The following ALKAL1 variants were observed in gnomAD, a reference collection of about 807,000 sequenced individuals.
ALKAL1 encodes AUG-beta.
A neutral mutation model predicts 13.5 loss-of-function variants in ALKAL1; 23 were observed. The ratio of observed to expected loss-of-function variants is 1.70; its 90% CI spans 1.23 to 2.41. The LOEUF is 2.41. Ranked by LOEUF, ALKAL1 falls within the 30% of genes most tolerant of loss-of-function variation. ALKAL1 has a pLI of 0.00. For synonymous variants in ALKAL1, 85 were observed against 77.7 expected (o/e 1.09, Z -0.49); for missense variants, 181 against 178.4 (o/e 1.01, Z -0.08).
intron 1 of ALKAL1, among the ~76,000 whole-genome samples, chr8:52,544,281 A>C (rs557585673): frequency 7.2e-4 from 109 of 152,226 alleles, no homozygotes; most frequent in Non-Finnish European, 1.4e-3. Flanking sequence ...CAAACATCAC[A>C]TAGGAATACA....
intron 2 of ALKAL1, among the ~76,000 whole-genome samples, chr8:52,540,620 CAGTT>C (rs1450556878): frequency 2.6e-5 from 4 of 152,172 alleles, no homozygotes; most frequent in Admixed American, 6.5e-5. Context: ...AGTCCCACCT[CAGTT>C]ACTCTAGAGC....
chr8:52,538,997 G>T (rs539611205), intron 3 of ALKAL1, among the ~76,000 whole-genome samples: 1 of 152,056 alleles, frequency 6.6e-6, no homozygotes, highest in East Asian at 1.9e-4. Context: ...TCACCATGTT[G>T]CCAAGGCTGG....
intron 1 of ALKAL1, among the ~76,000 whole-genome samples, chr8:52,549,664 G>A (rs1051773203): frequency 3.9e-5 from 6 of 151,910 alleles, no homozygotes; most frequent in Non-Finnish European, 5.9e-5. Context: ...TAAATTGGCC[G>A]GGCACGGTGT....
In ALKAL1 at chr8:52,565,143, C is replaced by G. The variant is rs755850760; in HGVS notation, c.114G>C (p.Thr38=). 2.1e-4 allele frequency: 301 copies of G among 1,404,722 alleles called. No individual in the cohort carries two copies. Among genetic ancestry groups the G allele is most frequent in the South Asian group, 9.2e-4 (60 of 65,026 alleles). 87.0% of individuals were successfully genotyped at this position (1,404,722 alleles called of 1,614,324 possible). ...RPRGRRGARV[T]DKEPKPLLFL... is the part of the protein sequence containing the mutation. ...AAAGCAACGGCTTGGGCTCCTTATC[C>G]GTGACGCGCGCTCCCCTGCGCCCCC... The change falls in exon 1 of 5, where the codon ACG becomes ACC. Residue 38 remains threonine, a synonymous_variant. Transcript: ENST00000358543.
intron 4 of ALKAL1, among the ~76,000 whole-genome samples, chr8:52,535,658 C>A (rs924564993): frequency 8.6e-5 from 13 of 150,524 alleles, no homozygotes; most frequent in African/African-American, 2.7e-4. Flanking sequence ...CTAAAATAAT[C>A]TAGTTTATTT....
At position 52,565,049 on chromosome 8, in the gene ALKAL1, G is replaced by A. The variant is rs1410440133; in HGVS notation, c.190+18C>T. The A allele has an allele frequency of 2.2e-6, 3 of 1,371,488 alleles. No homozygotes were observed. Among genetic ancestry groups the A allele is most frequent in the African/African-American group, 1.5e-5 (1 of 65,476 alleles). The allele number at this position is 1,371,488 out of a possible 1,614,324, so 85.0% of individuals were successfully genotyped here. A position where few individuals can be genotyped will look rare whatever the true frequency, so the allele number is the denominator to read the frequency against. Reference sequence around the variant, plus strand: ...CCAGGCGCAGGGCAAAGGATGGGGCGGGATGGGGACATCGTACCTGCGCTC... The same window carrying A: ...CCAGGCGCAGGGCAAAGGATGGGGCAGGATGGGGACATCGTACCTGCGCTC... On this transcript the variant is annotated intron_variant, in intron 1 of 4. Coordinates refer to ENST00000358543, the MANE Select transcript of ALKAL1 (RefSeq NM_207413.4).
At chr8:52,563,153 C>T (rs1197563863) in intron 1 of ALKAL1, among the ~76,000 whole-genome samples, 1 of 152,228 alleles carries the variant, frequency 6.6e-6, no homozygotes, top group African/African-American at 2.4e-5. Flanking sequence ...CATAGTGGCT[C>T]ATGCCTGTAA....
At chr8:52,536,321 G>A (rs1027332398) in intron 4 of ALKAL1, among the ~76,000 whole-genome samples, 1 of 152,066 alleles carries the variant, frequency 6.6e-6, no homozygotes, top group Non-Finnish European at 1.5e-5. Context: ...CTGAAATGCT[G>A]ACCCAAAAAA....
At chr8:52,537,931 A>T (rs1373731947) in intron 4 of ALKAL1, among the ~76,000 whole-genome samples, 1 of 152,036 alleles carries the variant, frequency 6.6e-6, no homozygotes, top group Non-Finnish European at 1.5e-5. Flanking sequence ...CCCTGTCTCT[A>T]CTAAAAATAC....
At chr8:52,545,916 C>T (rs987437629) in intron 1 of ALKAL1, among the ~76,000 whole-genome samples, 6 of 152,184 alleles carry the variant, frequency 3.9e-5, no homozygotes, top group Admixed American at 6.5e-5. Context: ...TCATAGAGTG[C>T]ATTTACATAA....
chr8:52,548,936 A>C (rs189695245), intron 1 of ALKAL1, among the ~76,000 whole-genome samples: 3 of 152,240 alleles, frequency 2.0e-5, no homozygotes, highest in African/African-American at 7.2e-5. Flanking sequence ...CTTGTTTAAA[A>C]ATGAGCCATG....
intron 2 of ALKAL1, 122 bp from the exon 3 acceptor site, chr8:52,540,033 A>G: frequency 1.4e-6 from 1 of 694,084 alleles, no homozygotes; most frequent in East Asian, 2.9e-5. Flanking sequence ...CCTTAAAAGA[A>G]CGTGCCTGAG....
At chr8:52,557,821 T>C (rs1847500413) in intron 1 of ALKAL1, among the ~76,000 whole-genome samples, 1 of 151,044 alleles carries the variant, frequency 6.6e-6, no homozygotes, top group African/African-American at 2.4e-5. Context: ...CCATCTCTAC[T>C]AAAAACACAA....
intron 1 of ALKAL1, among the ~76,000 whole-genome samples, chr8:52,549,105 C>T (rs1847402535): frequency 6.6e-6 from 1 of 152,044 alleles, no homozygotes; most frequent in South Asian, 2.1e-4. Context: ...TTAATTGATC[C>T]TCAGTCCTTT....
chr8:52,556,451 T>A (rs71513587), intron 1 of ALKAL1, among the ~76,000 whole-genome samples: 28,813 of 151,302 alleles, frequency 0.19, 3,655 homozygotes, highest in East Asian at 0.62. Context: ...ATCGAGACCA[T>A]CCTGGCTAAC....
chr8:52,543,541 A>G (rs1331429786), intron 1 of ALKAL1, among the ~76,000 whole-genome samples: 1 of 152,224 alleles, frequency 6.6e-6, no homozygotes, highest in Non-Finnish European at 1.5e-5. Flanking sequence ...GTGCGCAGGA[A>G]TGCAGAGAGA....
intron 2 of ALKAL1, among the ~76,000 whole-genome samples, 179 bp downstream of exon 2, chr8:52,542,213 A>G (rs1847320586): frequency 6.6e-6 from 1 of 152,100 alleles, no homozygotes; most frequent in Non-Finnish European, 1.5e-5. Flanking sequence ...TACTTCTATT[A>G]CTTATTAAGG....
At chr8:52,538,067 G>A (rs1444868790) in intron 4 of ALKAL1, among the ~76,000 whole-genome samples, 2 of 149,834 alleles carry the variant, frequency 1.3e-5, no homozygotes, top group Admixed American at 6.7e-5. Context: ...CCAGCCTGGC[G>A]ACAGAGCGAG....
chr8:52,548,350 GAA>G (rs982990928), intron 1 of ALKAL1, among the ~76,000 whole-genome samples: 3 of 123,516 alleles, frequency 2.4e-5, no homozygotes, highest in South Asian at 2.5e-4. Context: ...CGTCTCAAAA[GAA>G]AAAAAAAAAA....
Sources: allele counts gnomAD v4.1 joint callset (sites outside exome capture counted in the v4.1 genomes callset), GRCh38; gene constraint gnomAD v4.1.1; transcripts MANE v1.5; gene names NCBI Gene and HGNC (gene_info 2026-07-23, HGNC 2026-07-21).